Variants in CSMD1 observed in about 807,000 individuals in gnomAD.
CSMD1 encodes the protein CUB and sushi domain-containing protein 1.
In CSMD1, 213 loss-of-function variants were observed where a neutral mutation model predicts 417.5. The ratio of observed to expected loss-of-function variants is 0.51; its 90% CI spans 0.46 to 0.57. CSMD1 has a LOEUF of 0.57. Ranked by LOEUF, CSMD1 falls within the 20% of genes least tolerant of loss-of-function variation. The pLI, the probability that CSMD1 is intolerant of heterozygous loss-of-function variation, is 0.00. For missense variants in CSMD1, 6,923 were observed against 4,529.7 expected (o/e 1.53, Z -15.17); for synonymous variants, 2,862 against 1,736.8 (o/e 1.65, Z -16.11).
chr8:4,969,534 G>A (rs559293461), intron 1 of CSMD1, among the ~76,000 whole-genome samples: 2 of 151,544 alleles, frequency 1.3e-5, no homozygotes, highest in South Asian at 2.1e-4. Context: ...ACAGGCCAGT[G>A]TCTAGGAAAT....
intron 25 of CSMD1, among the ~76,000 whole-genome samples, chr8:3,306,982 A>G (rs1804908916): frequency 6.6e-6 from 1 of 152,094 alleles, no homozygotes; most frequent in African/African-American, 2.4e-5. Flanking sequence ...TTTCTTTTAT[A>G]TGTGTTACTT....
At chr8:4,902,022 G>A (rs1271385253) in intron 1 of CSMD1, among the ~76,000 whole-genome samples, 1 of 152,176 alleles carries the variant, frequency 6.6e-6, no homozygotes, top group Non-Finnish European at 1.5e-5. Flanking sequence ...ATGCAGCTAT[G>A]ATGCAAACAT....
intron 23 of CSMD1, among the ~76,000 whole-genome samples, chr8:3,325,404 C>A (rs996102478): frequency 6.6e-6 from 1 of 152,228 alleles, no homozygotes; most frequent in South Asian, 2.1e-4. Context: ...ACACTTAAGT[C>A]GTAAGCCTTG....
At chr8:4,388,781 A>T (rs1803644360) in intron 3 of CSMD1, among the ~76,000 whole-genome samples, 1 of 152,220 alleles carries the variant, frequency 6.6e-6, no homozygotes, top group Non-Finnish European at 1.5e-5. Context: ...CTGTGTATTC[A>T]GTCCTTGATC....
rs949270812 is a variant in CSMD1 at position 3,571,030 on chromosome 8, G to C, written c.1344+3915C>G. Among the ~76,000 whole-genome samples the C allele has an allele frequency of 2.0e-5, 3 of 152,158 alleles. No homozygotes were observed. In the East Asian group the frequency reaches 5.8e-4, roughly 29 times the overall value. On this transcript the variant is annotated intron_variant, in intron 10 of 69. Transcript: ENST00000635120. ...GTATAATCTGGATTTAAATGAATTTGGAAAGTGGAAACTGTGGGTATTCCA... is the reference window on the plus strand; with the variant it reads ...GTATAATCTGGATTTAAATGAATTTCGAAAGTGGAAACTGTGGGTATTCCA...
chr8:4,589,737 C>T (rs768949618), intron 2 of CSMD1, among the ~76,000 whole-genome samples: 10 of 152,178 alleles, frequency 6.6e-5, no homozygotes, highest in South Asian at 2.1e-4. Flanking sequence ...GCCATTATCA[C>T]GGCCAAAAAA....
rs141575923 is a variant in CSMD1, at chr8:3,703,044, T to C, written c.1009+5370A>G. 3.6e-4 allele frequency among the ~76,000 whole-genome samples: 55 copies of C among 152,294 alleles called. No homozygotes were observed. The East Asian group carries it at 8.9e-3, about 25-fold the overall frequency. On this transcript the variant is annotated intron_variant, in intron 7 of 69. Transcript: ENST00000635120. Reference sequence around the variant, plus strand: ...ATAAAATAATTCAAAATTTAGAGCATATAAACCACGTAATTATAAAATACT... The same window carrying C: ...ATAAAATAATTCAAAATTTAGAGCACATAAACCACGTAATTATAAAATACT...
chr8:4,062,113 G>C (rs1033612275), intron 3 of CSMD1, among the ~76,000 whole-genome samples: 5 of 152,096 alleles, frequency 3.3e-5, no homozygotes, highest in Non-Finnish European at 5.9e-5. Flanking sequence ...AATGCATGGA[G>C]GGTCAGCAGA....
Position 3,013,790 on chromosome 8 carries a change from G to C in CSMD1, c.8029+4687C>G, listed in dbSNP as rs972384191. Reference sequence around the variant, plus strand: ...TTCCAAACAGTCCTCAAAGATCATAGGTACCAGATCCATCACCACAAATGC... The same window carrying C: ...TTCCAAACAGTCCTCAAAGATCATACGTACCAGATCCATCACCACAAATGC... On this transcript the variant is annotated intron_variant, in intron 52 of 69. Transcript: ENST00000635120. 6.6e-5 allele frequency among the ~76,000 whole-genome samples: 10 copies of C among 151,682 alleles called. No individual in the cohort carries two copies. In the East Asian group the frequency reaches 1.9e-3, roughly 29 times the overall value.
At chr8:4,112,507 G>A (rs1229834639) in intron 3 of CSMD1, among the ~76,000 whole-genome samples, 1 of 152,148 alleles carries the variant, frequency 6.6e-6, no homozygotes, top group African/African-American at 2.4e-5. Flanking sequence ...CCTGAATACA[G>A]GAAGTTTGGA....
At chr8:3,448,556 T>A (rs546987116) in intron 12 of CSMD1, among the ~76,000 whole-genome samples, 122 of 151,784 alleles carry the variant, frequency 8.0e-4, no homozygotes, top group Middle Eastern at 3.4e-3. Context: ...TAAAGAAAAG[T>A]GAAGGTTTGT....
chr8:4,023,108 GGATGTACAGGA>G (rs1796871567), intron 4 of CSMD1, among the ~76,000 whole-genome samples: 1 of 152,128 alleles, frequency 6.6e-6, no homozygotes, highest in African/African-American at 2.4e-5. Flanking sequence ...CTAATGCAGT[GGATGTACAGGA>G]GATGCACTCT....
chr8:4,749,874 G>A (rs184769163), intron 1 of CSMD1, among the ~76,000 whole-genome samples: 2 of 152,078 alleles, frequency 1.3e-5, no homozygotes, highest in East Asian at 3.9e-4. Context: ...AAAGAGAAAT[G>A]CAACTTCAAA....
intron 21 of CSMD1, among the ~76,000 whole-genome samples, chr8:3,354,058 A>G (rs1479309671): frequency 6.6e-6 from 1 of 152,222 alleles, no homozygotes; most frequent in Admixed American, 6.5e-5. Context: ...GCATTAACCA[A>G]AATGTCTGTA....
At chr8:4,787,408 C>T in intron 1 of CSMD1, 1 of 744,386 alleles carries the variant, frequency 1.3e-6, no homozygotes, top group Non-Finnish European at 2.4e-6. Flanking sequence ...GAAAAGTCCT[C>T]CTGCAGTCCA....
intron 5 of CSMD1, among the ~76,000 whole-genome samples, chr8:3,826,690 G>C (rs114332086): frequency 6.6e-6 from 1 of 152,042 alleles, no homozygotes; most frequent in African/African-American, 2.4e-5. Flanking sequence ...ACTCTGACTT[G>C]GTCCTTGATA....
chr8:4,194,716 A>C (rs1460863312), intron 3 of CSMD1, among the ~76,000 whole-genome samples: 1 of 152,150 alleles, frequency 6.6e-6, no homozygotes. Context: ...AAAGTTCTTC[A>C]AATTATGCTT....
intron 5 of CSMD1, among the ~76,000 whole-genome samples, chr8:3,812,417 G>C (rs973629028): frequency 6.6e-6 from 1 of 152,096 alleles, no homozygotes; most frequent in Admixed American, 6.6e-5. Flanking sequence ...TTGACACCTA[G>C]ATATTAATTA....
intron 5 of CSMD1, among the ~76,000 whole-genome samples, chr8:3,905,449 C>A (rs528520252): frequency 2.0e-5 from 3 of 152,158 alleles, no homozygotes; most frequent in East Asian, 1.9e-4. Context: ...CAATGTAAGA[C>A]CCCCCAACAC....
Sources: gnomAD v4.1 joint callset for allele counts (sites outside exome capture counted in the v4.1 genomes callset) on GRCh38, gnomAD v4.1.1 for gene constraint, MANE v1.5 for transcripts, NCBI Gene and HGNC (gene_info 2026-07-23, HGNC 2026-07-21) for gene names.